NSMAF: variants seen among roughly 807,000 people sequenced by gnomAD.
NSMAF encodes neutral sphingomyelinase activation associated factor, also known as protein FAN.
NSMAF carries 90 observed loss-of-function variants against 134.9 expected under a neutral mutation model. The observed-to-expected ratio is 0.67, with a 90% CI of 0.56 to 0.79. NSMAF has a LOEUF of 0.79. NSMAF is among the 30% of genes least tolerant of loss of function. The probability of loss-of-function intolerance (pLI) is 0.00; values close to 1 mark genes in which losing one functional copy is unlikely to be tolerated. For synonymous variants in NSMAF, 358 were observed against 389.6 expected (o/e 0.92, Z 0.96); for missense variants, 1,010 against 1,119.0 (o/e 0.90, Z 1.39).
At chr8:58,599,101 A>T in intron 19 of NSMAF, 131 bp downstream of exon 19, 1 of 845,878 alleles carries the variant, frequency 1.2e-6, no homozygotes, top group Non-Finnish European at 1.9e-6. Context: ...ACATGCTTCC[A>T]CTGAAGAAAT....
chr8:58,613,488 T>C (rs1229307920), intron 9 of NSMAF, among the ~76,000 whole-genome samples: 2 of 150,702 alleles, frequency 1.3e-5, no homozygotes, highest in African/African-American at 4.9e-5. Flanking sequence ...AAAAAGTCAA[T>C]AGAGTAGATA....
At chr8:58,631,044 C>T (rs1807046880) in intron 6 of NSMAF, among the ~76,000 whole-genome samples, 1 of 152,098 alleles carries the variant, frequency 6.6e-6, no homozygotes, top group Non-Finnish European at 1.5e-5. Context: ...CCCAGGGAAC[C>T]AGACATTGTA....
At chr8:58,618,936 G>C (rs776370247) in intron 9 of NSMAF, among the ~76,000 whole-genome samples, 1 of 152,012 alleles carries the variant, frequency 6.6e-6, no homozygotes, top group East Asian at 1.9e-4. Context: ...AAATTCTTTA[G>C]CCTAACATTT....
chr8:58,655,866 C>T (rs2129149084), intron 1 of NSMAF, among the ~76,000 whole-genome samples: 1 of 151,570 alleles, frequency 6.6e-6, no homozygotes, highest in Non-Finnish European at 1.5e-5. Flanking sequence ...GAGATCGTGC[C>T]ACTGCACTCC....
intron 11 of NSMAF, among the ~76,000 whole-genome samples, chr8:58,606,798 C>T (rs1384805872): frequency 6.6e-6 from 1 of 152,140 alleles, no homozygotes; most frequent in African/African-American, 2.4e-5. Flanking sequence ...AAGTTAACCC[C>T]CGGAGTCTCA....
intron 30 of NSMAF, among the ~76,000 whole-genome samples, chr8:58,585,317 GT>G (rs571525208): frequency 5.0e-4 from 72 of 144,320 alleles, no homozygotes; most frequent in African/African-American, 8.9e-4. Flanking sequence ...TTGTTTCTGG[GT>G]TTTTTTTTTT....
At chr8:58,585,620 C>T in intron 30 of NSMAF, 32 bp downstream of exon 30, 2 of 1,474,464 alleles carry the variant, frequency 1.4e-6, no homozygotes, top group Non-Finnish European at 1.9e-6. Context: ...ATCTTGAGAA[C>T]AAAGATCAAG....
Position 58,609,694 on chromosome 8 carries a change from T to A in NSMAF, c.597A>T (p.Lys199Asn). Residue 199 changes from lysine to asparagine, a missense_variant, in exon 10 of 31, where the codon AAA becomes AAT. Physicochemically the swap from Lys to Asn is moderately conservative, Grantham distance 94. Coordinates refer to ENST00000038176, the MANE Select transcript of NSMAF (RefSeq NM_003580.4). ...TCACCAGAGGCGTCACCATTTCTGC[T>A]TTGCATTCCATGTGCAGCTTTTCAG... ...NISEKLHMEC[K>N]AEMVTPLVTN... 1 of 1,614,208 alleles carries A rather than the reference T, an allele frequency of 6.2e-7. No homozygotes were observed. Among genetic ancestry groups the A allele is most frequent in the Non-Finnish European group, 8.5e-7 (1 of 1,180,006 alleles).
intron 9 of NSMAF, among the ~76,000 whole-genome samples, chr8:58,611,587 G>A (rs562277624): frequency 6.6e-6 from 1 of 152,060 alleles, no homozygotes; most frequent in Non-Finnish European, 1.5e-5. Flanking sequence ...TAGAAACTAT[G>A]AAAAAGAACC....
At chr8:58,607,199 G>A (rs1182650668) in intron 11 of NSMAF, among the ~76,000 whole-genome samples, 1 of 152,246 alleles carries the variant, frequency 6.6e-6, no homozygotes, top group Admixed American at 6.5e-5. Flanking sequence ...CATACCTTCT[G>A]TAGGGATTGG....
intron 9 of NSMAF, among the ~76,000 whole-genome samples, chr8:58,618,419 T>C (rs147816862): frequency 1.3e-5 from 2 of 151,964 alleles, no homozygotes; most frequent in East Asian, 3.9e-4. Context: ...ATATATGAGA[T>C]ATATTATGGA....
chr8:58,642,035 C>T (rs1807349035), intron 2 of NSMAF, among the ~76,000 whole-genome samples: 2 of 152,068 alleles, frequency 1.3e-5, no homozygotes, highest in Non-Finnish European at 1.5e-5. Context: ...GATAAGAAAG[C>T]AAGGTGCTGT....
Position 58,636,945 on chromosome 8 carries a change from A to G in NSMAF, c.150-1399T>C, listed in dbSNP as rs139458676. On this transcript the variant is annotated intron_variant, in intron 2 of 30. Transcript: ENST00000038176. ...AAATAACAAAAATGCTTGATTCTTT[A>G]CCTTTATTTATCAAGTGTTACAAAA... is the stretch of plus-strand genomic sequence containing the variant. Among the ~76,000 whole-genome samples the G allele has an allele frequency of 1.6e-3, 244 of 152,232 alleles. 1 individual carries two copies. Among genetic ancestry groups the G allele is most frequent in the Middle Eastern group, 6.8e-3 (2 of 294 alleles).
In NSMAF at chr8:58,584,171, G is replaced by C; in HGVS notation, c.2689C>G (p.Gln897Glu). ...CCTCCTGTGATGATACTGCTACACT[G>C]TTCATTCATCCATATACATGTCACA... ...GAVTCIWMNE[Q>E]CSSIITGGED... Residue 897 changes from glutamine to glutamate, a missense_variant, in exon 31 of 31, where the codon CAG becomes GAG. Gln to Glu is a conservative substitution (Grantham distance 29). Coordinates refer to ENST00000038176, the MANE Select transcript of NSMAF (RefSeq NM_003580.4). The C allele has an allele frequency of 1.2e-6, 2 of 1,613,600 alleles. No homozygotes were observed. Among genetic ancestry groups the C allele is most frequent in the Non-Finnish European group, 1.7e-6 (2 of 1,179,646 alleles).
rs1805978122 is a variant in NSMAF, at chr8:58,589,559, C to A, written c.2104G>T (p.Ala702Ser). 3 of 1,566,314 alleles carry A rather than the reference C, an allele frequency of 1.9e-6. No homozygotes were observed. The highest frequency in any genetic ancestry group is 2.6e-6 in the Non-Finnish European group (3 of 1,166,154). Residue 702 changes from alanine (A) to serine (S), a missense_variant, in exon 26 of 31, where the codon GCA (alanine) becomes TCA (serine). Physicochemically the swap from Ala to Ser is moderately conservative, Grantham distance 99 (BLOSUM62 1). Transcript: ENST00000038176. Reference sequence around the variant, plus strand: ...AACGTGTCCTGGCGTCTTCCAAATGCTATGGAATAAAAATAGCTAAAAGAT... The same window carrying A: ...AACGTGTCCTGGCGTCTTCCAAATGATATGGAATAAAAATAGCTAAAAGAT... ...WDNNVYFYSI[A>S]FGRRQDTLMG...
At chr8:58,659,139 G>A (rs1338547674) in intron 1 of NSMAF, 40 of 1,363,046 alleles carry the variant, frequency 2.9e-5, no homozygotes, top group Non-Finnish European at 3.4e-5. Flanking sequence ...CCGAGTGCCT[G>A]GACCCGATTA....
intron 9 of NSMAF, among the ~76,000 whole-genome samples, chr8:58,617,973 A>T (rs1326909100): frequency 6.6e-6 from 1 of 152,190 alleles, no homozygotes; most frequent in Non-Finnish European, 1.5e-5. Flanking sequence ...ATGGGATACT[A>T]TGCAGCCATA....
chr8:58,641,836 G>A (rs79878854), intron 2 of NSMAF, among the ~76,000 whole-genome samples: 59 of 152,308 alleles, frequency 3.9e-4, no homozygotes, highest in Middle Eastern at 6.8e-3. Flanking sequence ...ACATGGGGCT[G>A]TACCATTTTG....
At chr8:58,609,149 C>T (rs2129142324) in intron 10 of NSMAF, among the ~76,000 whole-genome samples, 1 of 152,264 alleles carries the variant, frequency 6.6e-6, no homozygotes, top group Middle Eastern at 3.4e-3. Flanking sequence ...CATAGTGCTC[C>T]TTCAGGAAAA....
Sources: allele counts gnomAD v4.1 joint callset (sites outside exome capture counted in the v4.1 genomes callset), GRCh38; gene constraint gnomAD v4.1.1; transcripts MANE v1.5; gene names NCBI Gene and HGNC (gene_info 2026-07-23, HGNC 2026-07-21).